The following NTN5 variants were observed in gnomAD, a reference collection of about 807,000 sequenced individuals.
NTN5 encodes netrin-5.
In NTN5, 42 loss-of-function variants were observed where a neutral mutation model predicts 38.7. The ratio of observed to expected loss-of-function variants is 1.08; its 90% CI spans 0.85 to 1.40. The LOEUF is 1.40. Ranked by LOEUF, NTN5 falls within the 40% of genes most tolerant of loss-of-function variation. The pLI, the probability that NTN5 is intolerant of heterozygous loss-of-function variation, is 0.00. For synonymous variants in NTN5, 329 were observed against 303.9 expected (o/e 1.08, Z -0.86); for missense variants, 658 against 716.5 (o/e 0.92, Z 0.93).
intron 2 of NTN5, chr19:48,667,428 A>G (rs1344335268): frequency 2.5e-6 from 1 of 404,214 alleles, no homozygotes; most frequent in Non-Finnish European, 5.0e-6. Flanking sequence ...GGCCCTGTCC[A>G]GGCCCAGGAT....
At chr19:48,663,423 A>C (rs753669193) in intron 6 of NTN5, 40 bp downstream of exon 6, 6 of 1,565,096 alleles carry the variant, frequency 3.8e-6, no homozygotes, top group Admixed American at 1.7e-5. Flanking sequence ...CATCAGAACC[A>C]GCTGTGTAGC....
At chr19:48,671,889 G>A (rs2031972714) in intron 1 of NTN5, among the ~76,000 whole-genome samples, 1 of 150,740 alleles carries the variant, frequency 6.6e-6, no homozygotes, top group South Asian at 2.1e-4. Context: ...GCTGAGCTGA[G>A]GAAAGGGATG....
At chr19:48,663,298 C>T (rs1390352834) in intron 6 of NTN5, 165 bp downstream of exon 6, 2 of 731,776 alleles carry the variant, frequency 2.7e-6, no homozygotes, top group East Asian at 2.6e-5. Context: ...ACTCCCCTCC[C>T]CATTTGTCTT....
chr19:48,671,097 C>T lies in NTN5; in HGVS notation c.-20-91G>A, dbSNP rs561304946. 8.6e-6 allele frequency: 8 copies of T among 931,502 alleles called. No individual in the cohort carries two copies. In the African/African-American group the frequency reaches 1.2e-4, roughly 14 times the overall value. The allele number at this position is 931,502 out of a possible 1,614,324, so 57.7% of individuals were successfully genotyped here. On this transcript the variant is annotated intron_variant, in intron 1 of 6. Transcript: ENST00000270235. ...CCTGTGGAACTGGGGCATTCCACCC[C>T]CAACCCGTCCAGGCCCCCTCCCCGG...
Position 48,670,644 on chromosome 19 carries a change from A to C in NTN5, c.343T>G (p.Leu115Val). The change falls in exon 2 of 7, where the codon TTA becomes GTA. Residue 115 changes from leucine (L) to valine (V), a missense_variant. Leu to Val is a conservative substitution (Grantham distance 32). Transcript: ENST00000270235. ...LWHRPAWPGA[L>V]GGPERVTFHS... is the part of the protein sequence containing the mutation. Reference sequence around the variant, plus strand: ...AAGGTCACCCTTTCAGGGCCCCCTAAGGCCCCAGGCCAGGCGGGCCTGTGC... The same window carrying C: ...AAGGTCACCCTTTCAGGGCCCCCTACGGCCCCAGGCCAGGCGGGCCTGTGC... 6.2e-7 allele frequency: 1 copy of C among 1,604,196 alleles called. No individual in the cohort carries two copies. Among genetic ancestry groups the C allele is most frequent in the Non-Finnish European group, 8.5e-7 (1 of 1,176,166 alleles).
intron 2 of NTN5, among the ~76,000 whole-genome samples, chr19:48,666,966 A>G (rs2147740202): frequency 6.6e-6 from 1 of 152,072 alleles, no homozygotes; most frequent in South Asian, 2.1e-4. Flanking sequence ...AGAGCCCTGG[A>G]CTGGCAGGTC....
intron 1 of NTN5, among the ~76,000 whole-genome samples, chr19:48,672,614 C>T (rs1279278413): frequency 1.3e-5 from 2 of 150,942 alleles, no homozygotes; most frequent in African/African-American, 4.9e-5. Flanking sequence ...TCAGCAGCAT[C>T]CTGTTAAGGG....
intron 2 of NTN5, among the ~76,000 whole-genome samples, chr19:48,667,033 T>G (rs2031723232): frequency 6.6e-6 from 1 of 151,984 alleles, no homozygotes; most frequent in African/African-American, 2.4e-5. Flanking sequence ...CTGCATGTTC[T>G]TGGAAAAACA....
Position 48,665,895 on chromosome 19 carries a change from G to A in NTN5, c.632-1128C>T, listed in dbSNP as rs944991530. On this transcript the variant is annotated intron_variant, in intron 2 of 6. Transcript: ENST00000270235. ...TTTAGCCTTGTCGGTCTCTCTGACC[G>A]TATTCCCTGGACAGGTAATTTATCC... Among the ~76,000 whole-genome samples the A allele has an allele frequency of 5.9e-5, 9 of 152,172 alleles. No individual in the cohort carries two copies. In the East Asian group the frequency reaches 9.7e-4, roughly 16 times the overall value.
chr19:48,667,755 CTGAGA>C (rs2031742360), intron 2 of NTN5, among the ~76,000 whole-genome samples: 1 of 152,024 alleles, frequency 6.6e-6, no homozygotes, highest in African/African-American at 2.4e-5. Flanking sequence ...ACTCGGGAGG[CTGAGA>C]TAAGAGAATG....
At chr19:48,669,987 C>CCACCACCAT (rs2031906926) in intron 2 of NTN5, among the ~76,000 whole-genome samples, 1 of 110,296 alleles carries the variant, frequency 9.1e-6, no homozygotes, top group Non-Finnish European at 2.0e-5. Flanking sequence ...ACCATCATCA[C>CCACCACCAT]CACCACCATC....
intron 6 of NTN5, 44 bp from the exon 7 acceptor site, chr19:48,662,085 AGGGTACCTCT>A (rs1413347363): frequency 7.8e-6 from 11 of 1,403,392 alleles, no homozygotes; most frequent in Non-Finnish European, 1.0e-5. Flanking sequence ...GGGAGCTTCC[AGGGTACCTCT>A]GGGTCCCGTG....
At chr19:48,671,799 C>A (rs1316348484) in intron 1 of NTN5, among the ~76,000 whole-genome samples, 1 of 152,082 alleles carries the variant, frequency 6.6e-6, no homozygotes, top group African/African-American at 2.4e-5. Flanking sequence ...CACCAAACAA[C>A]CCAGCCTCCC....
intron 1 of NTN5, among the ~76,000 whole-genome samples, chr19:48,671,536 C>T (rs957446570): frequency 9.9e-5 from 15 of 152,034 alleles, no homozygotes; most frequent in Non-Finnish European, 1.8e-4. Context: ...AGAGGCCAGG[C>T]ACCCAGAGGC....
chr19:48,669,201 TCACCATCACCAC>T (rs1568451815), intron 2 of NTN5, among the ~76,000 whole-genome samples: 1 of 16,248 alleles, frequency 6.2e-5, no homozygotes, highest in South Asian at 2.3e-3. Context: ...ATCACCACCA[TCACCATCACCAC>T]CACCACCACC....
In NTN5 at chr19:48,661,486, G is replaced by A; in HGVS notation, c.*191C>T. 1.8e-6 allele frequency: 1 copy of A among 554,132 alleles called. No individual in the cohort carries two copies. The highest frequency in any genetic ancestry group is 2.8e-6 in the Non-Finnish European group (1 of 352,140). 34.3% of individuals were successfully genotyped at this position (554,132 alleles called of 1,614,324 possible). ...CCACAGGCCAAAGGAGGAAATGTTG[G>A]GACCAGAAGTCCCGCTTGCCGCCTT... On this transcript the variant is annotated 3_prime_UTR_variant, in exon 7 of 7. Transcript: ENST00000270235.
rs2031948200 is a variant in NTN5, at chr19:48,670,946, G to C, written c.41C>G (p.Ala14Gly). Residue 14 changes from alanine (A) to glycine (G), a missense_variant, in exon 2 of 7, where the codon GCC becomes GGC. Ala to Gly is a moderately conservative substitution (Grantham distance 60, BLOSUM62 0). Transcript: ENST00000270235. ...TFALLLLLGQ[A>G]TADPCYDPQG... ...TGGATCGTAGCATGGGTCCGCAGTG[G>C]CCTGGCCCAGGAGGAGCAGGAGGGC... 6.4e-7 allele frequency: 1 copy of C among 1,566,380 alleles called. No individual in the cohort carries two copies. The highest frequency in any genetic ancestry group is 8.7e-7 in the Non-Finnish European group (1 of 1,155,114).
chr19:48,669,879 C>CCACCA (rs2031889950), intron 2 of NTN5, among the ~76,000 whole-genome samples: 1 of 125,770 alleles, frequency 8.0e-6, no homozygotes, highest in Admixed American at 7.8e-5. Flanking sequence ...ATCATCACCA[C>CCACCA]TACCATCACC....
chr19:48,668,742 C>T (rs1451062885), intron 2 of NTN5, among the ~76,000 whole-genome samples: 2 of 152,160 alleles, frequency 1.3e-5, no homozygotes, highest in Admixed American at 1.3e-4. Context: ...GGCCTGATGA[C>T]ATCCCTGCCT....
Sources: allele counts gnomAD v4.1 joint callset (sites outside exome capture counted in the v4.1 genomes callset), GRCh38; gene constraint gnomAD v4.1.1; transcripts MANE v1.5; gene names NCBI Gene and HGNC (gene_info 2026-07-23, HGNC 2026-07-21).